Variants in KATNAL2 observed in about 807,000 individuals in gnomAD.
The protein encoded by KATNAL2 is katanin catalytic subunit A1 like 2.
Under a neutral mutation model 76.3 loss-of-function variants are expected in KATNAL2, and 52 were observed. That is an observed-to-expected ratio of 0.68 (90% confidence interval 0.55 to 0.86). The LOEUF is 0.86. Among genes scored for constraint, KATNAL2 ranks in the 40% least tolerant of loss-of-function variants. KATNAL2 has a pLI of 0.00. For synonymous variants in KATNAL2, 243 were observed against 244.2 expected (o/e 1.00, Z 0.05); for missense variants, 660 against 668.9 (o/e 0.99, Z 0.15).
At chr18:46,958,541 G>C (rs2059833883) in intron 3 of KATNAL2, among the ~76,000 whole-genome samples, 1 of 152,192 alleles carries the variant, frequency 6.6e-6, no homozygotes, top group Non-Finnish European at 1.5e-5. Flanking sequence ...GACTAACACA[G>C]ATTTGTATCA....
At chr18:46,940,863 A>G (rs1222428374) in intron 1 of KATNAL2, among the ~76,000 whole-genome samples, 1 of 152,202 alleles carries the variant, frequency 6.6e-6, no homozygotes, top group Non-Finnish European at 1.5e-5. Context: ...TGCTCTACAG[A>G]AAAATTTAAA....
At chr18:47,082,616 C>T (rs1295585371) in intron 15 of KATNAL2, among the ~76,000 whole-genome samples, 2 of 152,114 alleles carry the variant, frequency 1.3e-5, no homozygotes, top group African/African-American at 2.4e-5. Flanking sequence ...AAAGTTCTTC[C>T]TTGCTCCCTT....
chr18:47,097,756 G>T (rs1568029468), intron 15 of KATNAL2, among the ~76,000 whole-genome samples: 1 of 152,160 alleles, frequency 6.6e-6, no homozygotes, highest in Admixed American at 6.5e-5. Flanking sequence ...TTAAGCTCAG[G>T]GGTACATGTG....
chr18:46,927,818 G>A (rs973382942), intron 1 of KATNAL2, among the ~76,000 whole-genome samples: 3 of 151,794 alleles, frequency 2.0e-5, no homozygotes, highest in African/African-American at 7.3e-5. Context: ...TTCTCTTCTC[G>A]CTTCATTTCA....
intron 7 of KATNAL2, among the ~76,000 whole-genome samples, chr18:47,059,049 C>T (rs2576037): frequency 0.41 from 62,796 of 151,942 alleles, 13,059 homozygotes; most frequent in Admixed American, 0.52. Context: ...TGTCAAATAA[C>T]GGAAAGGTAT....
chr18:46,939,840 C>T (rs2059197100), intron 1 of KATNAL2, among the ~76,000 whole-genome samples: 1 of 152,180 alleles, frequency 6.6e-6, no homozygotes, highest in South Asian at 2.1e-4. Context: ...AACCTTGTTG[C>T]TCAATGTTTC....
chr18:47,065,280 C>A (rs1157431341), intron 10 of KATNAL2, among the ~76,000 whole-genome samples: 3 of 152,074 alleles, frequency 2.0e-5, no homozygotes, highest in Non-Finnish European at 4.4e-5. Flanking sequence ...GCCAACATGG[C>A]AAAAACCTAT....
chr18:47,092,778 G>C (rs2063058294), intron 15 of KATNAL2, among the ~76,000 whole-genome samples: 2 of 152,184 alleles, frequency 1.3e-5, no homozygotes, highest in African/African-American at 2.4e-5. Context: ...ATGCGTCACA[G>C]CCTCTGTTTC....
chr18:47,074,079 T>A (rs2062102358), intron 13 of KATNAL2, among the ~76,000 whole-genome samples: 1 of 152,212 alleles, frequency 6.6e-6, no homozygotes, highest in Non-Finnish European at 1.5e-5. Flanking sequence ...GGCTTCTTTG[T>A]GTATGTGTGT....
chr18:46,921,514 A>G (rs865889246), intron 1 of KATNAL2, among the ~76,000 whole-genome samples: 6 of 152,290 alleles, frequency 3.9e-5, no homozygotes, highest in Middle Eastern at 6.8e-3. Flanking sequence ...GCAAAGTCTC[A>G]ACTTAATTTT....
intron 15 of KATNAL2, 198 bp downstream of exon 15, chr18:47,077,659 A>C (rs1391214164): frequency 2.1e-6 from 1 of 479,392 alleles, no homozygotes; most frequent in African/African-American, 1.9e-5. Flanking sequence ...GAGGAAACAC[A>C]GGCCAGGGTG....
chr18:47,050,449 T>C (rs2061308173), intron 4 of KATNAL2, among the ~76,000 whole-genome samples: 2 of 152,242 alleles, frequency 1.3e-5, no homozygotes, highest in South Asian at 4.1e-4. Flanking sequence ...CAATGTATTT[T>C]TTGTTCCAGA....
chr18:46,961,651 G>A (rs1942248), intron 3 of KATNAL2, among the ~76,000 whole-genome samples: 1 of 152,078 alleles, frequency 6.6e-6, no homozygotes, highest in East Asian at 1.9e-4. Flanking sequence ...ATGTGCCAAC[G>A]TTGTCACATC....
chr18:47,084,182 C>T (rs1286313337), intron 15 of KATNAL2: 14 of 552,494 alleles, frequency 2.5e-5, no homozygotes, highest in African/African-American at 5.7e-5. Flanking sequence ...TGAAACCCGC[C>T]GGGGCAACTG....
chr18:47,035,897 A>T (rs1176776414), intron 3 of KATNAL2, among the ~76,000 whole-genome samples: 1 of 152,068 alleles, frequency 6.6e-6, no homozygotes, highest in Non-Finnish European at 1.5e-5. Context: ...CAGGATAACA[A>T]CTCTTTGCCT....
chr18:47,077,605 TC>T (rs2147257574), intron 15 of KATNAL2, 144 bp downstream of exon 15: 2 of 624,182 alleles, frequency 3.2e-6, no homozygotes, highest in Non-Finnish European at 5.8e-6. Context: ...ACTGTTCAGG[TC>T]CCCAATCCTT....
At chr18:47,049,281 T>C (rs1036510419) in intron 4 of KATNAL2, among the ~76,000 whole-genome samples, 1 of 152,244 alleles carries the variant, frequency 6.6e-6, no homozygotes, top group African/African-American at 2.4e-5. Context: ...GGATTAAATA[T>C]GTAACATGCT....
intron 4 of KATNAL2, among the ~76,000 whole-genome samples, chr18:47,052,265 T>C (rs2061359699): frequency 6.6e-6 from 1 of 152,190 alleles, no homozygotes; most frequent in Non-Finnish European, 1.5e-5. Flanking sequence ...AGGTACTACT[T>C]TTATACAGAA....
intron 3 of KATNAL2, chr18:47,035,376 G>A (rs989212632): frequency 2.6e-6 from 4 of 1,554,526 alleles, no homozygotes; most frequent in Non-Finnish European, 3.5e-6. Context: ...GCCAGGCAGC[G>A]ACCTCGGGAT....
Sources: gnomAD v4.1 joint callset for allele counts (sites outside exome capture counted in the v4.1 genomes callset) on GRCh38, gnomAD v4.1.1 for gene constraint, MANE v1.5 for transcripts, NCBI Gene and HGNC (gene_info 2026-07-23, HGNC 2026-07-21) for gene names.